The following ERBB2 variants were observed in gnomAD, a reference collection of about 807,000 sequenced individuals.
ERBB2 encodes the protein erb-b2 receptor tyrosine kinase 2.
ERBB2 carries 61 observed loss-of-function variants against 149.0 expected under a neutral mutation model. The ratio of observed to expected loss-of-function variants is 0.41; its 90% CI spans 0.33 to 0.51. The LOEUF (loss-of-function observed/expected upper bound fraction) is 0.51. ERBB2 is among the 20% of genes least tolerant of loss of function. The pLI, the probability that ERBB2 is intolerant of heterozygous loss-of-function variation, is 0.25. For synonymous variants in ERBB2, 633 were observed against 678.8 expected (o/e 0.93, Z 1.05); for missense variants, 1,205 against 1,655.1 (o/e 0.73, Z 4.72).
At chr17:39,700,730 G>T (rs1320604502) in intron 1 of ERBB2, among the ~76,000 whole-genome samples, 1 of 152,156 alleles carries the variant, frequency 6.6e-6, no homozygotes, top group South Asian at 2.1e-4. Context: ...GATTCCTTGG[G>T]GGGGTCCTCT....
At chr17:39,699,073 G>C (rs1475621906), upstream of ERBB2, among the ~76,000 whole-genome samples, 2 of 152,092 alleles carry the variant, frequency 1.3e-5, no homozygotes, top group Non-Finnish European at 2.9e-5. Flanking sequence ...CAGGCTAATA[G>C]AAGGCAAGGG....
rs574611538 is a variant in ERBB2, at chr17:39,700,699, C to T, written c.73+388C>T. Among the ~76,000 whole-genome samples the T allele has an allele frequency of 1.5e-4, 23 of 152,332 alleles. No individual in the cohort carries two copies. In the South Asian group the frequency reaches 4.6e-3, roughly 30 times the overall value. Reference sequence around the variant, plus strand: ...AAGCCTTTCCAGTTGGCAGCCTCCGCCTCCGGACTGGCCTGGGCTGGATTC... The same window carrying T: ...AAGCCTTTCCAGTTGGCAGCCTCCGTCTCCGGACTGGCCTGGGCTGGATTC... On this transcript the variant is annotated intron_variant, in intron 1 of 26. Coordinates refer to ENST00000269571, the MANE Select transcript of ERBB2 (RefSeq NM_004448.4).
In ERBB2 at chr17:39,709,861, G is replaced by A. The variant is rs2145492090; in HGVS notation, c.623G>A (p.Ser208Asn). ...AAGGGCTCCCGCTGCTGGGGAGAGAGTTCTGAGGATTGTCAGAGCCGTGAG... is the reference window on the plus strand; with the variant it reads ...AAGGGCTCCCGCTGCTGGGGAGAGAATTCTGAGGATTGTCAGAGCCGTGAG... ...MCKGSRCWGE[S>N]SEDCQSLTRT... Residue 208 changes from serine to asparagine, a missense_variant, in exon 5 of 27, where the codon AGT (serine) becomes AAT (asparagine). Around this residue, in one of 6 missense-constraint regions of ERBB2, gnomAD observed 569 missense variants for 803.5 expected, o/e 0.71. Coordinates refer to ENST00000269571, the MANE Select transcript of ERBB2 (RefSeq NM_004448.4). The A allele has an allele frequency of 2.5e-6, 4 of 1,613,556 alleles. No homozygotes were observed. The highest frequency in any genetic ancestry group is 3.4e-6 in the Non-Finnish European group (4 of 1,180,008).
chr17:39,712,517 G>A (rs2145583564), intron 9 of ERBB2, 69 bp downstream of exon 9: 1 of 1,554,338 alleles, frequency 6.4e-7, no homozygotes, highest in East Asian at 2.3e-5. Flanking sequence ...AGATGTGGCA[G>A]CATCTCTTGG....
Position 39,707,006 on chromosome 17 carries a change from C to T in ERBB2, c.90C>T (p.Asp30=), listed in dbSNP as rs2058483158. The T allele has an allele frequency of 6.3e-7, 1 of 1,593,318 alleles. No individual in the cohort carries two copies. The highest frequency in any genetic ancestry group is 1.1e-5 in the South Asian group (1 of 87,976). ...TCCTGCCAGTGTGCACCGGCACAGA[C>T]ATGAAGCTGCGGCTCCCTGCCAGTC... ...AASTQVCTGT[D]MKLRLPASPE... The change falls in exon 2 of 27, where the codon GAC becomes GAT. Residue 30 remains aspartate, a synonymous_variant. Transcript: ENST00000269571.
At chr17:39,706,946 G>T (rs376786716) in intron 1 of ERBB2, 44 bp from the exon 2 acceptor site, 145 of 1,477,394 alleles carry the variant, frequency 9.8e-5, no homozygotes, top group Non-Finnish European at 1.2e-4. Context: ...GTCTGAGAAG[G>T]TCCCCCGCCA....
Position 39,710,356 on chromosome 17 carries a change from A to G in ERBB2, c.776A>G (p.Asn259Ser), listed in dbSNP as rs769870618. 1.2e-5 allele frequency: 20 copies of G among 1,613,950 alleles called. No individual in the cohort carries two copies. Among genetic ancestry groups the G allele is most frequent in the South Asian group, 2.2e-5 (2 of 91,084 alleles). Reference protein sequence around the residue: ...HSDCLACLHFNHSGICELHCP... With the variant: ...HSDCLACLHFSHSGICELHCP... ...TCCCCCCAGGCCTGCCTCCACTTCA[A>G]CCACAGTGGCATCTGTGAGCTGCAC... The change falls in exon 7 of 27, where the codon AAC (asparagine) becomes AGC (serine). Residue 259 changes from asparagine to serine, a missense_variant. Coordinates refer to ENST00000269571, the MANE Select transcript of ERBB2 (RefSeq NM_004448.4).
intron 7 of ERBB2, among the ~76,000 whole-genome samples, chr17:39,710,743 C>T (rs977533348): frequency 6.6e-6 from 1 of 152,204 alleles, no homozygotes; most frequent in Admixed American, 6.5e-5. Flanking sequence ...CTTGCTGTGC[C>T]TCAGTTTCCT....
At chr17:39,719,033 G>T (rs1450466348) in intron 15 of ERBB2, among the ~76,000 whole-genome samples, 2 of 152,194 alleles carry the variant, frequency 1.3e-5, no homozygotes, top group Admixed American at 1.3e-4. Context: ...GGCCGAGGCA[G>T]GCAGATCACC....
At chr17:39,712,292 C>T (rs775944928) in intron 8 of ERBB2, 30 bp from the exon 9 acceptor site, 2 of 1,612,486 alleles carry the variant, frequency 1.2e-6, no homozygotes, top group Non-Finnish European at 1.7e-6. Context: ...GCTGAGACGG[C>T]CCCTTCCCCA....
chr17:39,717,503 C>T (rs2145714481), intron 15 of ERBB2, 23 bp downstream of exon 15: 4 of 1,583,034 alleles, frequency 2.5e-6, no homozygotes, highest in South Asian at 1.1e-5. Context: ...GTCTTTTCTG[C>T]AGAAAGGAGG....
upstream of ERBB2, among the ~76,000 whole-genome samples, chr17:39,691,957 A>C (rs577933020): frequency 3.4e-4 from 49 of 145,384 alleles, no homozygotes; most frequent in East Asian, 2.8e-3. Context: ...ATATATATAT[A>C]TCTCTTGTGT....
intron 1 of ERBB2, among the ~76,000 whole-genome samples, chr17:39,705,383 G>A (rs2058365928): frequency 6.6e-6 from 1 of 152,154 alleles, no homozygotes; most frequent in Admixed American, 6.5e-5. Context: ...GCCGGGGGAG[G>A]TCCTGGCAGC....
intron 1 of ERBB2, among the ~76,000 whole-genome samples, chr17:39,701,446 G>C: frequency 6.6e-6 from 1 of 152,096 alleles, no homozygotes; most frequent in Non-Finnish European, 1.5e-5. Context: ...TGCACCTGGA[G>C]CAATGAGGGA....
chr17:39,709,171 A>C, intron 3 of ERBB2, 147 bp from the exon 4 acceptor site: 1 of 893,412 alleles, frequency 1.1e-6, no homozygotes, highest in Non-Finnish European at 1.7e-6. Flanking sequence ...TGGGACTCAA[A>C]GACGGTAAAG....
intron 1 of ERBB2, among the ~76,000 whole-genome samples, chr17:39,700,646 C>T (rs910778163): frequency 3.3e-5 from 5 of 152,166 alleles, no homozygotes; most frequent in African/African-American, 9.7e-5. Context: ...GCGTTTCCCC[C>T]CTTCTTGAGC....
At chr17:39,693,765 AAATAATAATAATAATAATAAT>A (rs71355408), upstream of ERBB2, among the ~76,000 whole-genome samples, 3 of 143,446 alleles carry the variant, frequency 2.1e-5, no homozygotes, top group African/African-American at 7.9e-5. Context: ...CTCGAAAATA[AAATAATAATAATAATAATAAT>A]AATAATAATA....
In ERBB2 at chr17:39,707,031, C is replaced by G. The variant is rs1216236852; in HGVS notation, c.115C>G (p.Pro39Ala). The G allele has an allele frequency of 1.9e-6, 3 of 1,604,664 alleles. No homozygotes were observed. The Admixed American group carries it at 5.1e-5, about 27-fold the overall frequency. The change falls in exon 2 of 27, where the codon CCC (proline) becomes GCC (alanine). Residue 39 changes from proline to alanine, a missense_variant. Around this residue, in one of 6 missense-constraint regions of ERBB2, gnomAD observed 101 missense variants for 95.1 expected, o/e 1.06. Coordinates refer to ENST00000269571, the MANE Select transcript of ERBB2 (RefSeq NM_004448.4). ...TDMKLRLPAS[P>A]ETHLDMLRHL... The stretch of plus-strand genomic sequence containing the variant: ...CATGAAGCTGCGGCTCCCTGCCAGT[C>G]CCGAGACCCACCTGGACATGCTCCG...
At chr17:39,705,109 C>T (rs1381402617) in intron 1 of ERBB2, among the ~76,000 whole-genome samples, 1 of 152,192 alleles carries the variant, frequency 6.6e-6, no homozygotes, top group Non-Finnish European at 1.5e-5. Context: ...GTTGCAGCCC[C>T]AGTCTCTGGA....
Sources: gnomAD v4.1 joint callset for allele counts (sites outside exome capture counted in the v4.1 genomes callset) on GRCh38, gnomAD v4.1.1 for gene constraint, gnomAD v4.1.1 regional missense constraint, MANE v1.5 for transcripts, NCBI Gene and HGNC (gene_info 2026-07-23, HGNC 2026-07-21) for gene names.